Variants in KAZN observed in about 807,000 individuals in gnomAD.
KAZN encodes kazrin.
In KAZN, 40 loss-of-function variants were observed where a neutral mutation model predicts 87.4. The ratio of observed to expected loss-of-function variants is 0.46; its 90% CI spans 0.36 to 0.60. The LOEUF (loss-of-function observed/expected upper bound fraction) is 0.60. Ranked by LOEUF, KAZN falls within the 20% of genes least tolerant of loss-of-function variation. KAZN has a pLI of 0.00. For missense variants in KAZN, 898 were observed against 1,073.9 expected, an observed-to-expected ratio of 0.84 and a Z score of 2.29; for synonymous variants, 466 against 458.3, an observed-to-expected ratio of 1.02 and a Z score of -0.22.
chr1:14,642,999 G>A (rs1038925573), intron 1 of KAZN, among the ~76,000 whole-genome samples: 2 of 152,168 alleles, frequency 1.3e-5, no homozygotes, highest in Admixed American at 1.3e-4. Flanking sequence ...ATGTGACTCA[G>A]CAGCTGCATT....
At chr1:14,790,784 C>T (rs1645650988) in intron 1 of KAZN, among the ~76,000 whole-genome samples, 1 of 152,152 alleles carries the variant, frequency 6.6e-6, no homozygotes, top group South Asian at 2.1e-4. Flanking sequence ...ATTCTTCCTC[C>T]CAGGCTCAAG....
intron 1 of KAZN, among the ~76,000 whole-genome samples, chr1:13,996,399 G>T (rs559106199): frequency 6.6e-6 from 1 of 152,170 alleles, no homozygotes; most frequent in Admixed American, 6.5e-5. Flanking sequence ...CGAGGGAGGA[G>T]CAGCAGCCAG....
At chr1:14,624,516 G>C (rs905560698) in intron 1 of KAZN, among the ~76,000 whole-genome samples, 1 of 151,870 alleles carries the variant, frequency 6.6e-6, no homozygotes, top group African/African-American at 2.4e-5. Flanking sequence ...GTATTCTCAA[G>C]TTCTGTCATT....
intron 2 of KAZN, among the ~76,000 whole-genome samples, chr1:14,211,521 G>T (rs897384343): frequency 7.2e-5 from 11 of 152,178 alleles, no homozygotes; most frequent in African/African-American, 2.4e-4. Flanking sequence ...ACCGTGCCGG[G>T]CCTATCTTTT....
intron 1 of KAZN, chr1:14,946,003 TG>T (rs1661726714): frequency 1.4e-6 from 1 of 694,380 alleles, no homozygotes; most frequent in Admixed American, 6.3e-5. Context: ...CCTCAGGCAT[TG>T]GCACAGCAGC....
intron 2 of KAZN, among the ~76,000 whole-genome samples, chr1:14,514,283 C>T: frequency 8.3e-6 from 1 of 120,892 alleles, no homozygotes. Context: ...TGAGATCGCG[C>T]CACTGCACTC....
At chr1:14,365,044 CCTCT>C (rs776137913) in intron 2 of KAZN, among the ~76,000 whole-genome samples, 8 of 151,368 alleles carry the variant, frequency 5.3e-5, no homozygotes, top group South Asian at 4.2e-4. Flanking sequence ...TGCCCGGCCC[CCTCT>C]CTTTTTTTTT....
intron 1 of KAZN, among the ~76,000 whole-genome samples, chr1:14,125,932 G>A (rs900196090): frequency 2.3e-5 from 3 of 132,614 alleles, no homozygotes; most frequent in Admixed American, 8.1e-5. Flanking sequence ...TGCAGCCTCC[G>A]TCAGTAAGGC....
At chr1:14,932,754 T>G (rs1274711516) in intron 1 of KAZN, among the ~76,000 whole-genome samples, 3 of 151,110 alleles carry the variant, frequency 2.0e-5, no homozygotes, top group Non-Finnish European at 2.9e-5. Flanking sequence ...AGAAACTGAC[T>G]CCAGGGTGGA....
chr1:14,320,721 GA>G (rs1478074928), intron 2 of KAZN, among the ~76,000 whole-genome samples: 1 of 152,136 alleles, frequency 6.6e-6, no homozygotes, highest in Non-Finnish European at 1.5e-5. Context: ...CTTTTTCTTA[GA>G]AAAACCGCAA....
intron 2 of KAZN, among the ~76,000 whole-genome samples, chr1:14,379,480 A>G (rs1184782558): frequency 6.6e-6 from 1 of 152,092 alleles, no homozygotes; most frequent in Non-Finnish European, 1.5e-5. Context: ...GACAACGTCT[A>G]TGCACCTTCC....
At chr1:14,858,944 C>T (rs114264147) in intron 1 of KAZN, among the ~76,000 whole-genome samples, 117 of 152,250 alleles carry the variant, frequency 7.7e-4, no homozygotes, top group African/African-American at 2.7e-3. Flanking sequence ...GCAATTCTCA[C>T]GCCTGTAATC....
At chr1:14,596,900 C>T (rs375795580), upstream of KAZN, among the ~76,000 whole-genome samples, 1 of 152,296 alleles carries the variant, frequency 6.6e-6, no homozygotes, top group Admixed American at 6.5e-5. Context: ...CTGCTATGAA[C>T]ATTCATGTAC....
intron 8 of KAZN, among the ~76,000 whole-genome samples, chr1:15,075,479 C>T (rs1639696850): frequency 6.6e-6 from 1 of 152,198 alleles, no homozygotes; most frequent in South Asian, 2.1e-4. Flanking sequence ...TTCGGTGGAT[C>T]ACCGACTGGA....
chr1:14,866,338 A>G (rs1415196454), intron 1 of KAZN, among the ~76,000 whole-genome samples: 1 of 152,214 alleles, frequency 6.6e-6, no homozygotes, highest in Admixed American at 6.5e-5. Context: ...AGTTTTGGCG[A>G]GAGCCCCTTC....
At chr1:14,932,360 T>C (rs1391303473) in intron 1 of KAZN, among the ~76,000 whole-genome samples, 1 of 152,146 alleles carries the variant, frequency 6.6e-6, no homozygotes, top group African/African-American at 2.4e-5. Context: ...TCTCTACCTG[T>C]GTCAGCCAGA....
Position 15,034,440 on chromosome 1 carries a change from C to T in KAZN, c.419-309C>T, listed in dbSNP as rs564301209. On this transcript the variant is annotated intron_variant, in intron 2 of 14. Coordinates refer to ENST00000376030, the MANE Select transcript of KAZN (RefSeq NM_201628.3). Reference sequence around the variant, plus strand: ...CCATGGGCCCCTGGAGCCCACCAGGCCTCAGTTCTTCGTCATTGAACACTC... The same window carrying T: ...CCATGGGCCCCTGGAGCCCACCAGGTCTCAGTTCTTCGTCATTGAACACTC... 2.6e-5 allele frequency among the ~76,000 whole-genome samples: 4 copies of T among 152,292 alleles called. No individual in the cohort carries two copies. The East Asian group carries it at 7.7e-4, about 29-fold the overall frequency.
At chr1:14,962,015 G>C (rs377100153) in intron 2 of KAZN, among the ~76,000 whole-genome samples, 27 of 152,366 alleles carry the variant, frequency 1.8e-4, no homozygotes, top group East Asian at 9.6e-4. Context: ...GATGCAGAGG[G>C]TTCTGGGAAA....
rs140287598 is a variant in KAZN, at chr1:14,345,676, C to T, written c.249+165084C>T. Among the ~76,000 whole-genome samples, 10 of 152,194 alleles carry T rather than the reference C, an allele frequency of 6.6e-5. No homozygotes were observed. The South Asian group carries it at 1.0e-3, about 16-fold the overall frequency. ...TCTTGGAACGTGCCAGCCTAGACAA[C>T]GCTTAGATTATGATGTCCTTCAGTA... On this transcript the variant is annotated intron_variant, in intron 2 of 16. Coordinates refer to the KAZN transcript ENST00000636203.
Sources: allele counts gnomAD v4.1 joint callset (sites outside exome capture counted in the v4.1 genomes callset), GRCh38; gene constraint gnomAD v4.1.1; transcripts MANE v1.5; gene names NCBI Gene and HGNC (gene_info 2026-07-23, HGNC 2026-07-21).